The following SAMD5 variants were observed in gnomAD, a reference collection of about 807,000 sequenced individuals.
SAMD5 encodes sterile alpha motif domain-containing protein 5.
A neutral mutation model predicts 11.3 loss-of-function variants in SAMD5; 13 were observed. The observed-to-expected ratio is 1.15, with a 90% CI of 0.75 to 1.83. The LOEUF (loss-of-function observed/expected upper bound fraction) is 1.83, where lower values mean the gene tolerates loss of function less well. SAMD5 is among the 40% of genes most tolerant of loss of function. The pLI is 0.00. For missense variants in SAMD5, 255 were observed against 239.1 expected, an observed-to-expected ratio of 1.07 and a Z score of -0.44; for synonymous variants, 129 against 111.3, an observed-to-expected ratio of 1.16 and a Z score of -1.00.
intron 1 of SAMD5, chr6:147,729,837 C>G: frequency 2.2e-6 from 1 of 456,756 alleles, no homozygotes; most frequent in Non-Finnish European, 4.4e-6. Flanking sequence ...GTAATCCCAG[C>G]ACTTTGGGAG....
the SAMD5 span, among the ~76,000 whole-genome samples, chr6:147,829,731 A>G: frequency 6.6e-6 from 1 of 152,076 alleles, no homozygotes; most frequent in African/African-American, 2.4e-5. Flanking sequence ...GGAGATGGCA[A>G]CATTTCAGGT....
At chr6:147,729,040 G>A (rs920274833) in intron 1 of SAMD5, among the ~76,000 whole-genome samples, 1 of 152,240 alleles carries the variant, frequency 6.6e-6, no homozygotes, top group Non-Finnish European at 1.5e-5. Flanking sequence ...TGGGAAGTCA[G>A]AGATCATGGT....
At chr6:147,946,305 A>G in the SAMD5 span, among the ~76,000 whole-genome samples, 1 of 152,156 alleles carries the variant, frequency 6.6e-6, no homozygotes, top group African/African-American at 2.4e-5. Flanking sequence ...ACTGTGAGCT[A>G]CTTAGGGACA....
At chr6:147,892,354 T>C in the SAMD5 span, among the ~76,000 whole-genome samples, 4 of 152,264 alleles carry the variant, frequency 2.6e-5, no homozygotes, top group Non-Finnish European at 5.9e-5. Context: ...TCAGGGATAT[T>C]ATTCACTGAT....
chr6:147,630,019 C>T (rs886750046), intron 1 of SAMD5, among the ~76,000 whole-genome samples: 12 of 150,902 alleles, frequency 8.0e-5, no homozygotes, highest in East Asian at 3.9e-4. Context: ...GCATGACCTC[C>T]GCTCACCACA....
At chr6:147,855,298 G>A in the SAMD5 span, among the ~76,000 whole-genome samples, 2 of 152,200 alleles carry the variant, frequency 1.3e-5, no homozygotes, top group East Asian at 3.9e-4. Flanking sequence ...TAGTTTTAAT[G>A]CTATCAGGAC....
chr6:147,686,270 C>T (rs1005066118), intron 1 of SAMD5, among the ~76,000 whole-genome samples: 3 of 152,140 alleles, frequency 2.0e-5, no homozygotes, highest in Non-Finnish European at 4.4e-5. Flanking sequence ...TGGTATCTCT[C>T]AATATTATGT....
chr6:147,518,281 C>T (rs574234141), intron 1 of SAMD5, among the ~76,000 whole-genome samples: 3 of 152,228 alleles, frequency 2.0e-5, no homozygotes, highest in South Asian at 4.2e-4. Flanking sequence ...CAAGTCTTAA[C>T]GTGATCATAG....
chr6:147,810,517 C>G, the SAMD5 span, among the ~76,000 whole-genome samples: 2 of 152,124 alleles, frequency 1.3e-5, no homozygotes, highest in East Asian at 3.9e-4. Context: ...TCTGAGTCAC[C>G]TGTGGAGGAA....
At chr6:147,857,180 C>G in the SAMD5 span, among the ~76,000 whole-genome samples, 1 of 151,684 alleles carries the variant, frequency 6.6e-6, no homozygotes, top group Non-Finnish European at 1.5e-5. Context: ...CACTCAGGCT[C>G]ATTTCGGTCA....
At chr6:147,844,425 C>T in the SAMD5 span, among the ~76,000 whole-genome samples, 1 of 152,034 alleles carries the variant, frequency 6.6e-6, no homozygotes, top group African/African-American at 2.4e-5. Context: ...TTTTGGAAAC[C>T]TAAGAAAATT....
intron 1 of SAMD5, among the ~76,000 whole-genome samples, chr6:147,542,292 GGGCAGGTA>G (rs1788618052): frequency 6.6e-6 from 1 of 152,176 alleles, no homozygotes; most frequent in Non-Finnish European, 1.5e-5. Context: ...ACTGAACCAG[GGGCAGGTA>G]GCCACAAGGA....
chr6:147,928,786 G>A, the SAMD5 span, among the ~76,000 whole-genome samples: 1 of 152,026 alleles, frequency 6.6e-6, no homozygotes, highest in African/African-American at 2.4e-5. Context: ...CTAACTTTTT[G>A]ATGTGGGCAT....
At chr6:147,935,983 C>A in the SAMD5 span, among the ~76,000 whole-genome samples, 6 of 152,184 alleles carry the variant, frequency 3.9e-5, no homozygotes, top group Non-Finnish European at 7.3e-5. Context: ...AGCCAGCTTT[C>A]TTTCCTATAT....
Position 147,628,985 on chromosome 6 carries a change from T to G in SAMD5, c.163-108332T>G, listed in dbSNP as rs61474356. Among the ~76,000 whole-genome samples the G allele has an allele frequency of 2.1e-3, 322 of 152,272 alleles. 1 individual carries two copies. Among genetic ancestry groups the G allele is most frequent in the African/African-American group, 7.4e-3 (306 of 41,554 alleles). On this transcript the variant is annotated intron_variant, in intron 1 of 1. Transcript: ENST00000566741. ...TTAAAATTTCTTGGGTAGATAGATA[T>G]TGGTGATCAAATTTCTGAACCTAGG...
intron 1 of SAMD5, among the ~76,000 whole-genome samples, chr6:147,726,950 T>C (rs187822749): frequency 6.6e-6 from 1 of 152,188 alleles, no homozygotes; most frequent in African/African-American, 2.4e-5. Flanking sequence ...TCAGTTGGCC[T>C]CCATAATTCC....
At chr6:147,793,424 G>A in the SAMD5 span, among the ~76,000 whole-genome samples, 3 of 152,048 alleles carry the variant, frequency 2.0e-5, no homozygotes, top group African/African-American at 4.8e-5. Flanking sequence ...ATGTTGTATT[G>A]GATGGAATCC....
chr6:147,644,525 A>G (rs1434111711), intron 1 of SAMD5, among the ~76,000 whole-genome samples: 1 of 152,318 alleles, frequency 6.6e-6, no homozygotes, highest in East Asian at 1.9e-4. Context: ...AATAAACACA[A>G]TCTCAGCTGT....
intron 1 of SAMD5, among the ~76,000 whole-genome samples, chr6:147,579,317 A>T (rs1789261937): frequency 1.3e-5 from 2 of 152,194 alleles, no homozygotes; most frequent in Admixed American, 6.5e-5. Context: ...GATTGGTAGG[A>T]TTTTGATGAG....
Sources: allele counts gnomAD v4.1 joint callset (sites outside exome capture counted in the v4.1 genomes callset), GRCh38; gene constraint gnomAD v4.1.1; transcripts MANE v1.5; gene names NCBI Gene and HGNC (gene_info 2026-07-23, HGNC 2026-07-21).